Variants in HPSE2 observed in about 807,000 individuals in gnomAD.
HPSE2 encodes heparanase 2 (inactive).
Under a neutral mutation model 60.5 loss-of-function variants are expected in HPSE2, and 38 were observed. The ratio of observed to expected loss-of-function variants is 0.63; its 90% CI spans 0.48 to 0.82. HPSE2 has a LOEUF of 0.82. Ranked by LOEUF, HPSE2 falls within the 40% of genes least tolerant of loss-of-function variation. The pLI is 0.00. For missense variants in HPSE2, 713 were observed against 740.4 expected, an observed-to-expected ratio of 0.96 and a Z score of 0.43; for synonymous variants, 295 against 293.2, an observed-to-expected ratio of 1.01 and a Z score of -0.06.
At chr10:98,729,481 C>A (rs545075810) in intron 4 of HPSE2, among the ~76,000 whole-genome samples, 1 of 151,778 alleles carries the variant, frequency 6.6e-6, no homozygotes, top group Non-Finnish European at 1.5e-5. Flanking sequence ...TGGTGGCGGG[C>A]GCCTGTAATC....
At chr10:98,717,843 T>A (rs1422560355) in intron 5 of HPSE2, among the ~76,000 whole-genome samples, 1 of 152,106 alleles carries the variant, frequency 6.6e-6, no homozygotes, top group African/African-American at 2.4e-5. Context: ...AAATTCAATA[T>A]ATGTGAAGCG....
At chr10:99,047,925 G>A in intron 3 of HPSE2, 2 of 756,438 alleles carry the variant, frequency 2.6e-6, no homozygotes, top group Middle Eastern at 3.5e-4. Context: ...CTCAGGATCA[G>A]AGGTATCGAT....
At chr10:99,072,845 C>T (rs1234168600) in intron 3 of HPSE2, among the ~76,000 whole-genome samples, 1 of 144,386 alleles carries the variant, frequency 6.9e-6, no homozygotes, top group Non-Finnish European at 1.5e-5. Flanking sequence ...AGGAGAATTG[C>T]TTGAACCTGG....
chr10:98,475,456 G>A (rs938748359), intron 11 of HPSE2, among the ~76,000 whole-genome samples: 2 of 134,616 alleles, frequency 1.5e-5, no homozygotes, highest in African/African-American at 6.4e-5. Context: ...GTTAGTCATT[G>A]CAAATTAGAT....
intron 6 of HPSE2, among the ~76,000 whole-genome samples, chr10:98,675,486 G>T (rs1199721595): frequency 8.6e-5 from 13 of 151,628 alleles, no homozygotes; most frequent in Admixed American, 8.6e-4. Context: ...CGGGAAGACT[G>T]CTTGAACCCA....
chr10:99,040,077 T>C lies in HPSE2; in HGVS notation c.610+104161A>G, dbSNP rs144093570. Among the ~76,000 whole-genome samples, 47 of 152,344 alleles carry C rather than the reference T, an allele frequency of 3.1e-4. No homozygotes were observed. The East Asian group carries it at 8.9e-3, about 29-fold the overall frequency. ...TTGATTACATACACACATATTTGTA[T>C]ACATAGACCTTCATAGGTACAGTTT... is the stretch of plus-strand genomic sequence containing the variant. On this transcript the variant is annotated intron_variant, in intron 3 of 11. Transcript: ENST00000370552.
At chr10:98,849,351 T>G (rs1028389392) in intron 3 of HPSE2, among the ~76,000 whole-genome samples, 1 of 152,210 alleles carries the variant, frequency 6.6e-6, no homozygotes, top group Admixed American at 6.5e-5. Flanking sequence ...TAGGTATATA[T>G]GAAAGTACTC....
At chr10:99,247,663 A>T in the HPSE2 span, among the ~76,000 whole-genome samples, 3 of 152,238 alleles carry the variant, frequency 2.0e-5, no homozygotes, top group Non-Finnish European at 4.4e-5. Context: ...CATCTCACAC[A>T]TAATGACACC....
chr10:98,651,259 T>C (rs1032639722), intron 6 of HPSE2, among the ~76,000 whole-genome samples: 8 of 152,198 alleles, frequency 5.3e-5, no homozygotes, highest in Non-Finnish European at 7.3e-5. Context: ...TGTGTGTGCA[T>C]ACAAGCATGT....
chr10:98,669,971 G>A (rs549585711), intron 6 of HPSE2, among the ~76,000 whole-genome samples: 1 of 152,312 alleles, frequency 6.6e-6, no homozygotes, highest in African/African-American at 2.4e-5. Flanking sequence ...GCCAGGAAAG[G>A]CCACTTTGAC....
intron 3 of HPSE2, among the ~76,000 whole-genome samples, chr10:98,770,925 G>C (rs1950227994): frequency 6.6e-6 from 1 of 152,130 alleles, no homozygotes. Flanking sequence ...AAAGGTGATG[G>C]CTCATTTACT....
At chr10:99,182,974 A>C (rs562419209) in intron 2 of HPSE2, among the ~76,000 whole-genome samples, 19 of 152,182 alleles carry the variant, frequency 1.2e-4, no homozygotes, top group East Asian at 9.7e-4. Flanking sequence ...CACACACAAA[A>C]AAAACTAAAA....
At chr10:99,110,495 A>C (rs1003487807) in intron 3 of HPSE2, among the ~76,000 whole-genome samples, 1 of 152,222 alleles carries the variant, frequency 6.6e-6, no homozygotes, top group South Asian at 2.1e-4. Flanking sequence ...GTAAGACTCA[A>C]TTATACAAGG....
chr10:98,491,144 G>A (rs1202768216), intron 9 of HPSE2, among the ~76,000 whole-genome samples: 1 of 151,870 alleles, frequency 6.6e-6, no homozygotes, highest in African/African-American at 2.4e-5. Context: ...ACTCTTCAAT[G>A]CCTTAAAGAC....
chr10:99,151,596 C>T (rs538162500), intron 2 of HPSE2, among the ~76,000 whole-genome samples: 2 of 152,038 alleles, frequency 1.3e-5, no homozygotes, highest in African/African-American at 4.8e-5. Flanking sequence ...AAAAGAAAAT[C>T]TTAAAAGCAC....
At chr10:99,314,553 C>T in the HPSE2 span, among the ~76,000 whole-genome samples, 11 of 152,246 alleles carry the variant, frequency 7.2e-5, no homozygotes, top group African/African-American at 2.2e-4. Context: ...GTAAACATAA[C>T]TTTCATATGC....
intron 3 of HPSE2, among the ~76,000 whole-genome samples, chr10:98,820,780 T>C (rs1323079717): frequency 2.6e-5 from 4 of 152,224 alleles, no homozygotes; most frequent in Non-Finnish European, 5.9e-5. Flanking sequence ...ATGACAGCTA[T>C]ATCAGCCACT....
chr10:99,020,982 A>G (rs1957249337), intron 3 of HPSE2, among the ~76,000 whole-genome samples: 1 of 152,190 alleles, frequency 6.6e-6, no homozygotes, highest in Non-Finnish European at 1.5e-5. Context: ...GGCTTTCTGA[A>G]GCATTATCTC....
chr10:98,760,140 C>T (rs1949973178), intron 3 of HPSE2, among the ~76,000 whole-genome samples: 1 of 151,952 alleles, frequency 6.6e-6, no homozygotes, highest in South Asian at 2.1e-4. Flanking sequence ...TATCCTGCAA[C>T]CTGTACTGAA....
Sources: allele counts gnomAD v4.1 joint callset (sites outside exome capture counted in the v4.1 genomes callset), GRCh38; gene constraint gnomAD v4.1.1; transcripts MANE v1.5; gene names NCBI Gene and HGNC (gene_info 2026-07-23, HGNC 2026-07-21).